Variants in ZNF69 observed in about 807,000 individuals in gnomAD.
The protein encoded by ZNF69 is ZNF3.
ZNF69 carries 47 observed loss-of-function variants against 50.9 expected under a neutral mutation model. The observed-to-expected ratio is 0.92, with a 90% confidence interval of 0.73 to 1.18. The LOEUF is 1.18. Ranked by LOEUF, ZNF69 falls within the 50% of genes most tolerant of loss-of-function variation. The probability of loss-of-function intolerance (pLI) is 0.00; values close to 1 mark genes in which losing one functional copy is unlikely to be tolerated. For synonymous variants in ZNF69, 216 were observed against 223.1 expected (o/e 0.97, Z 0.29); for missense variants, 717 against 675.1 (o/e 1.06, Z -0.69).
the ZNF69 span, among the ~76,000 whole-genome samples, chr19:11,919,991 A>T: frequency 6.6e-6 from 1 of 152,140 alleles, no homozygotes; most frequent in Admixed American, 6.6e-5. Flanking sequence ...GAATGTCTCC[A>T]AATCTTCTAC....
the ZNF69 span, among the ~76,000 whole-genome samples, chr19:11,935,171 G>A: frequency 1.1e-4 from 13 of 115,702 alleles, no homozygotes; most frequent in Middle Eastern, 5.2e-3. Context: ...GCGAGACTCC[G>A]TCTCAAAAAA....
chr19:11,965,105 C>G, the ZNF69 span: 7 of 1,514,712 alleles, frequency 4.6e-6, no homozygotes, highest in East Asian at 1.1e-4. Flanking sequence ...CCGAGAGGGA[C>G]CTGGTACCTC....
At chr19:11,899,301 TTTTC>T (rs1269893773) in intron 1 of ZNF69, among the ~76,000 whole-genome samples, 22 of 152,294 alleles carry the variant, frequency 1.4e-4, no homozygotes, top group African/African-American at 5.3e-4. Context: ...TATTTTTTAT[TTTTC>T]TTTCTTTATC....
intron 1 of ZNF69, among the ~76,000 whole-genome samples, chr19:11,890,384 A>G (rs373422551): frequency 1.3e-5 from 2 of 152,220 alleles, no homozygotes; most frequent in African/African-American, 2.4e-5. Context: ...CATACTGCCT[A>G]CAAACATATT....
chr19:11,953,851 C>G, the ZNF69 span, among the ~76,000 whole-genome samples: 1 of 152,262 alleles, frequency 6.6e-6, no homozygotes, highest in East Asian at 1.9e-4. Context: ...GAAATGTATT[C>G]AAAGGTAAGC....
Position 11,899,976 on chromosome 19 carries a change from C to T in ZNF69, c.64-3597C>T, listed in dbSNP as rs566262478. Among the ~76,000 whole-genome samples, 29 of 151,962 alleles carry T rather than the reference C, an allele frequency of 1.9e-4. 1 individual carries two copies. Among genetic ancestry groups the T allele is most frequent in the South Asian group, 1.0e-3 (5 of 4,796 alleles). On this transcript the variant is annotated intron_variant, in intron 1 of 3. Coordinates refer to ENST00000429654, the MANE Select transcript of ZNF69 (RefSeq NM_001364730.1). ...TTTCCTTTTTTTTTCCCTTTGGAGA[C>T]GGAGTTTCGTTCTTGTTGCCCAGAC...
the ZNF69 span, among the ~76,000 whole-genome samples, chr19:11,940,691 C>G: frequency 6.6e-6 from 1 of 152,184 alleles, no homozygotes; most frequent in African/African-American, 2.4e-5. Flanking sequence ...GTTGCCACTG[C>G]TGGCTCAGGC....
chr19:11,950,090 A>G, the ZNF69 span: 16 of 1,614,056 alleles, frequency 9.9e-6, no homozygotes, highest in South Asian at 4.4e-5. Flanking sequence ...ACATCTGCCA[A>G]GATTCTTCAA....
At position 11,895,263 on chromosome 19, in the gene ZNF69, G is replaced by A. The variant is rs144313270; in HGVS notation, c.63+7277G>A. ...CTCAACAAAGCCCATGACATACAGTGCATGGCTCACAATCCCAGGAGATGA... is the reference window on the plus strand; with the variant it reads ...CTCAACAAAGCCCATGACATACAGTACATGGCTCACAATCCCAGGAGATGA... On this transcript the variant is annotated intron_variant, in intron 1 of 3. Transcript: ENST00000429654. Among the ~76,000 whole-genome samples the A allele has an allele frequency of 6.6e-5, 10 of 152,376 alleles. No homozygotes were observed. In the East Asian group the frequency reaches 1.2e-3, roughly 18 times the overall value.
At chr19:11,944,179 G>T in the ZNF69 span, among the ~76,000 whole-genome samples, 3 of 152,154 alleles carry the variant, frequency 2.0e-5, no homozygotes, top group African/African-American at 4.8e-5. Context: ...GTAATTTTTC[G>T]TAAGGCCTGT....
chr19:11,931,221 A>G, the ZNF69 span, among the ~76,000 whole-genome samples: 2 of 147,900 alleles, frequency 1.4e-5, no homozygotes, highest in Non-Finnish European at 2.9e-5. Flanking sequence ...TATTTCTGGC[A>G]GTTCTTGAGG....
At chr19:11,943,114 A>G in the ZNF69 span, among the ~76,000 whole-genome samples, 9 of 152,142 alleles carry the variant, frequency 5.9e-5, no homozygotes, top group Non-Finnish European at 1.2e-4. Flanking sequence ...TTCTATTATT[A>G]TTATTATTTC....
chr19:11,889,457 G>A (rs879305248), intron 1 of ZNF69, among the ~76,000 whole-genome samples: 5 of 152,126 alleles, frequency 3.3e-5, no homozygotes, highest in Non-Finnish European at 5.9e-5. Flanking sequence ...ACTTACCTGG[G>A]AAGGTACTTT....
intron 4 of ZNF69, among the ~76,000 whole-genome samples, chr19:11,912,336 G>T (rs1258389808): frequency 6.6e-6 from 1 of 152,202 alleles, no homozygotes; most frequent in Non-Finnish European, 1.5e-5. Context: ...TTGAATACAT[G>T]CAAGAACACA....
At chr19:11,891,136 G>A (rs550439628) in intron 1 of ZNF69, among the ~76,000 whole-genome samples, 1 of 152,218 alleles carries the variant, frequency 6.6e-6, no homozygotes, top group Non-Finnish European at 1.5e-5. Flanking sequence ...TTTGTTGAAA[G>A]CTACTCTGGG....
the ZNF69 span, among the ~76,000 whole-genome samples, chr19:11,972,015 T>C: frequency 6.6e-6 from 1 of 150,850 alleles, no homozygotes; most frequent in Non-Finnish European, 1.5e-5. Context: ...TGAGCCAAGA[T>C]GGTGTCATTG....
intron 1 of ZNF69, among the ~76,000 whole-genome samples, chr19:11,891,781 T>G (rs1353651455): frequency 6.6e-6 from 1 of 152,138 alleles, no homozygotes; most frequent in Admixed American, 6.5e-5. Flanking sequence ...GCTGTTTTCT[T>G]CATGGGAAAC....
chr19:11,965,048 A>G, the ZNF69 span: 2 of 853,346 alleles, frequency 2.3e-6, no homozygotes, highest in East Asian at 5.6e-5. Flanking sequence ...TCCTGTCCTC[A>G]CCTTTGTCCT....
At chr19:11,939,078 A>AT in the ZNF69 span, among the ~76,000 whole-genome samples, 1,142 of 151,780 alleles carry the variant, frequency 7.5e-3, 13 homozygotes, top group African/African-American at 0.027. Flanking sequence ...GGGTTGTTTG[A>AT]TTTTTTCTTG....
Sources: gnomAD v4.1 joint callset for allele counts (sites outside exome capture counted in the v4.1 genomes callset) on GRCh38, gnomAD v4.1.1 for gene constraint, MANE v1.5 for transcripts, NCBI Gene and HGNC (gene_info 2026-07-23, HGNC 2026-07-21) for gene names.